The following RAB4A variants were observed in gnomAD, a reference collection of about 807,000 sequenced individuals.
The protein encoded by RAB4A is RAB4A, member RAS oncogene family, also known as ras-related protein Rab-4A.
In RAB4A, 20 loss-of-function variants were observed where a neutral mutation model predicts 34.5. The observed-to-expected ratio is 0.58, with a 90% CI of 0.41 to 0.84. RAB4A has a LOEUF of 0.84. Among genes scored for constraint, RAB4A ranks in the 40% least tolerant of loss-of-function variants. The pLI is 0.00. For missense variants in RAB4A, 228 were observed against 274.5 expected, an observed-to-expected ratio of 0.83 and a Z score of 1.20; for synonymous variants, 102 against 100.0, an observed-to-expected ratio of 1.02 and a Z score of -0.12.
Position 229,301,352 on chromosome 1 carries a change from G to A in RAB4A, c.542-1510G>A, listed in dbSNP as rs137862585. ...AAGGAGGGTGCTAGGTGAAGTAGGA[G>A]GGAGGAGAGTCGGGCCCAGGTAGAA... On this transcript the variant is annotated intron_variant, in intron 6 of 7. Coordinates refer to ENST00000366690, the MANE Select transcript of RAB4A (RefSeq NM_004578.4). 3.4e-4 allele frequency among the ~76,000 whole-genome samples: 51 copies of A among 152,214 alleles called. No individual in the cohort carries two copies. The East Asian group carries it at 9.3e-3, about 28-fold the overall frequency.
Position 229,298,985 on chromosome 1 carries a change from T to C in RAB4A, c.454T>C (p.Phe152Leu). ...SRFAQENELM[F>L]LETSALTGEN... Reference sequence around the variant, plus strand: ...TTTGATGTCCATTTTAGAGCTGATGTTTTTGGAAACAAGTGCGCTCACAGG... The same window carrying C: ...TTTGATGTCCATTTTAGAGCTGATGCTTTTGGAAACAAGTGCGCTCACAGG... The change falls in exon 6 of 8, where the codon TTT becomes CTT. Residue 152 changes from phenylalanine (F) to leucine (L), a missense_variant. Coordinates refer to ENST00000366690, the MANE Select transcript of RAB4A (RefSeq NM_004578.4). The C allele has an allele frequency of 6.2e-7, 1 of 1,607,008 alleles. No homozygotes were observed. Among genetic ancestry groups the C allele is most frequent in the South Asian group, 1.1e-5 (1 of 89,680 alleles).
intron 3 of RAB4A, among the ~76,000 whole-genome samples, chr1:229,294,491 C>G (rs1457767119): frequency 6.6e-6 from 1 of 152,194 alleles, no homozygotes; most frequent in Non-Finnish European, 1.5e-5. Context: ...CAGAGATGGA[C>G]ACTAGGTTGG....
chr1:229,297,617 C>T lies in RAB4A; in HGVS notation c.426C>T (p.Ser142=). 6.3e-7 allele frequency: 1 copy of T among 1,590,380 alleles called. No individual in the cohort carries two copies. The highest frequency in any genetic ancestry group is 8.5e-7 in the Non-Finnish European group (1 of 1,172,652). ...GTGAAGTTACCTTCTTAGAAGCCTC[C>T]AGATTTGCTCAAGAAAATGGCAAGT... is the stretch of plus-strand genomic sequence containing the variant. ...ADREVTFLEA[S]RFAQENELMF... The change falls in exon 5 of 8, where the codon TCC becomes TCT. Residue 142 remains serine, a synonymous_variant. Transcript: ENST00000366690.
At chr1:229,302,816 A>G (rs746294931) in intron 6 of RAB4A, 46 bp from the exon 7 acceptor site, 1 of 1,356,112 alleles carries the variant, frequency 7.4e-7, no homozygotes, top group Non-Finnish European at 1.0e-6. Context: ...TTGGAATCAA[A>G]GAAACATAAA....
chr1:229,271,544 G>A, intron 1 of RAB4A, among the ~76,000 whole-genome samples, 174 bp downstream of exon 1: 1 of 152,124 alleles, frequency 6.6e-6, no homozygotes, highest in African/African-American at 2.4e-5. Context: ...CGGGCCGCTG[G>A]GGGCTCGGGT....
At chr1:229,293,574 A>G (rs1657150950) in intron 3 of RAB4A, among the ~76,000 whole-genome samples, 2 of 152,220 alleles carry the variant, frequency 1.3e-5, no homozygotes, top group South Asian at 4.1e-4. Context: ...AAGTTCTGGG[A>G]ATGTCTAGCT....
chr1:229,288,958 A>C, intron 3 of RAB4A, 115 bp downstream of exon 3: 1 of 679,392 alleles, frequency 1.5e-6, no homozygotes, highest in Non-Finnish European at 2.5e-6. Context: ...TCCTTGTCCT[A>C]ATCTCAGAAA....
At chr1:229,291,503 A>G (rs1308547524) in intron 3 of RAB4A, among the ~76,000 whole-genome samples, 4 of 152,374 alleles carry the variant, frequency 2.6e-5, no homozygotes, top group Admixed American at 6.5e-5. Flanking sequence ...CGACTCTGTC[A>G]GAGCGGGGAA....
chr1:229,280,352 A>G (rs1023476070), intron 1 of RAB4A, among the ~76,000 whole-genome samples: 1 of 152,200 alleles, frequency 6.6e-6, no homozygotes, highest in South Asian at 2.1e-4. Context: ...CTACCAAGGA[A>G]TAATTCATTA....
At chr1:229,286,440 C>G (rs76874486) in intron 1 of RAB4A, 46 bp from the exon 2 acceptor site, 1 of 1,166,304 alleles carries the variant, frequency 8.6e-7, no homozygotes, top group Non-Finnish European at 1.2e-6. Flanking sequence ...AAGAAATTCA[C>G]AGCACTATTT....
intron 4 of RAB4A, 32 bp from the exon 5 acceptor site, chr1:229,297,450 A>G: frequency 6.4e-7 from 1 of 1,561,902 alleles, no homozygotes; most frequent in Non-Finnish European, 8.7e-7. Context: ...TATAAAATAC[A>G]TGTATTATTT....
At chr1:229,294,978 CTT>C in intron 3 of RAB4A, among the ~76,000 whole-genome samples, 1 of 141,724 alleles carries the variant, frequency 7.1e-6, no homozygotes, top group African/African-American at 2.6e-5. Flanking sequence ...GAACTCCTGG[CTT>C]TTTTTTTTTT....
rs1453523439 is a variant in RAB4A at position 229,295,922 on chromosome 1, T to TC, written c.290+17dup. On this transcript the variant is annotated intron_variant, in intron 4 of 7. Transcript: ENST00000366690. ...TATGATATCACCAGGTAATGCCAGC[T>TC]CCCCCTGGTGAAGGAGGGTGCTCAG... 1 of 1,613,670 alleles carries TC rather than the reference T, an allele frequency of 6.2e-7. No individual in the cohort carries two copies. The highest frequency in any genetic ancestry group is 1.3e-5 in the African/African-American group (1 of 74,988).
At chr1:229,291,845 A>G (rs1346285100) in intron 3 of RAB4A, among the ~76,000 whole-genome samples, 1 of 152,146 alleles carries the variant, frequency 6.6e-6, no homozygotes, top group African/African-American at 2.4e-5. Flanking sequence ...TTACTTTTGT[A>G]AGAAAATGTG....
rs1475650716 is a variant in RAB4A, at chr1:229,303,836, C to T, written c.*43C>T. 3 of 152,120 alleles carry T rather than the reference C, an allele frequency of 2.0e-5. No homozygotes were observed. Among genetic ancestry groups the T allele is most frequent in the African/African-American group, 7.2e-5 (3 of 41,418 alleles). The allele number at this position is 152,120 out of a possible 1,614,324, so 9.4% of individuals were successfully genotyped here. A position where few individuals can be genotyped will look rare whatever the true frequency, so the allele number is the denominator to read the frequency against. On this transcript the variant is annotated 3_prime_UTR_variant, in exon 8 of 8. Coordinates refer to ENST00000366690, the MANE Select transcript of RAB4A (RefSeq NM_004578.4). ...CATACAGTGGCATTTGGGACACAAT[C>T]GTTGGAACCTGAAGAATCTGAAGTT...
chr1:229,288,916 A>T, intron 3 of RAB4A, 73 bp downstream of exon 3: 1 of 920,698 alleles, frequency 1.1e-6, no homozygotes, highest in East Asian at 2.7e-5. Flanking sequence ...CTCTCAATAT[A>T]TAAGGTCTCA....
intron 6 of RAB4A, among the ~76,000 whole-genome samples, chr1:229,301,072 A>G (rs192315782): frequency 4.6e-5 from 7 of 152,272 alleles, no homozygotes; most frequent in Non-Finnish European, 7.4e-5. Context: ...GATGGGGAAT[A>G]GAAAGTCAGT....
chr1:229,297,726 C>T (rs2102853564), intron 5 of RAB4A, 90 bp downstream of exon 5: 2 of 1,291,542 alleles, frequency 1.5e-6, no homozygotes, highest in South Asian at 1.7e-5. Flanking sequence ...ATTGGAATTT[C>T]AAGATTAAAC....
In RAB4A at chr1:229,305,305, T is replaced by C; in HGVS notation, c.*1512T>C. 6.3e-7 allele frequency: 1 copy of C among 1,584,040 alleles called. No homozygotes were observed. The highest frequency in any genetic ancestry group is 2.2e-4 in the Middle Eastern group (1 of 4,526). ...TATTCAATGTCTCATTTATGATAGA[T>C]TTGCAAGCTGCTCATTTTTGAACAG... On this transcript the variant is annotated 3_prime_UTR_variant, in exon 8 of 8. Coordinates refer to ENST00000366690, the MANE Select transcript of RAB4A (RefSeq NM_004578.4).
Sources: gnomAD v4.1 joint callset for allele counts (sites outside exome capture counted in the v4.1 genomes callset) on GRCh38, gnomAD v4.1.1 for gene constraint, MANE v1.5 for transcripts, NCBI Gene and HGNC (gene_info 2026-07-23, HGNC 2026-07-21) for gene names.